The following TAB2 variants were observed in gnomAD, a reference collection of about 807,000 sequenced individuals.
The protein encoded by TAB2 is TGF-beta activated kinase 1 (MAP3K7) binding protein 2.
Under a neutral mutation model 65.0 loss-of-function variants are expected in TAB2, and 3 were observed. The observed-to-expected ratio is 0.05, with a 90% CI of 0.02 to 0.12. TAB2 has a LOEUF of 0.12. TAB2 is among the 10% of genes least tolerant of loss of function. The pLI is 1.00. For missense variants in TAB2, 623 were observed against 840.3 expected, an observed-to-expected ratio of 0.74 and a Z score of 3.20; for synonymous variants, 298 against 285.1, an observed-to-expected ratio of 1.05 and a Z score of -0.46.
At chr6:149,365,598 A>C (rs939990859) in intron 1 of TAB2, among the ~76,000 whole-genome samples, 3 of 151,904 alleles carry the variant, frequency 2.0e-5, no homozygotes, top group Admixed American at 2.0e-4. Flanking sequence ...GCCTATGTGT[A>C]GTCTTTGTTT....
At chr6:149,236,613 T>G (rs1777500352) in intron 1 of TAB2, among the ~76,000 whole-genome samples, 1 of 152,172 alleles carries the variant, frequency 6.6e-6, no homozygotes, top group Admixed American at 6.5e-5. Flanking sequence ...TATATAAAAA[T>G]TTTTTGAGTA....
chr6:149,275,272 G>GAAA (rs1419323302), intron 1 of TAB2, among the ~76,000 whole-genome samples: 2 of 149,072 alleles, frequency 1.3e-5, no homozygotes, highest in Non-Finnish European at 3.0e-5. Context: ...AAGAAAGAAA[G>GAAA]AAAGAAAGAA....
intron 1 of TAB2, among the ~76,000 whole-genome samples, chr6:149,299,489 T>C (rs959852581): frequency 4.6e-5 from 7 of 152,172 alleles, no homozygotes; most frequent in Non-Finnish European, 1.0e-4. Context: ...AGAGAATCAC[T>C]TGAACCCAGG....
At chr6:149,366,907 A>C (rs1191672102) in intron 1 of TAB2, among the ~76,000 whole-genome samples, 2 of 152,164 alleles carry the variant, frequency 1.3e-5, no homozygotes, top group African/African-American at 4.8e-5. Context: ...TTTAAATAAT[A>C]AAAATGTCTC....
intron 1 of TAB2, 138 bp from the exon 2 acceptor site, chr6:149,369,771 C>T (rs1033807141): frequency 2.0e-5 from 12 of 601,010 alleles, no homozygotes; most frequent in African/African-American, 1.5e-4. Context: ...ATATGGAAAG[C>T]ATTTTAGGTC....
At chr6:149,287,474 T>C (rs991487871) in intron 1 of TAB2, among the ~76,000 whole-genome samples, 1 of 84,932 alleles carries the variant, frequency 1.2e-5, no homozygotes, top group South Asian at 4.1e-4. Context: ...AAGCAAACTT[T>C]GTTTTCTGTT....
chr6:149,349,386 C>CTCCA (rs1355812911), intron 1 of TAB2, among the ~76,000 whole-genome samples: 1 of 148,884 alleles, frequency 6.7e-6, no homozygotes, highest in African/African-American at 2.5e-5. Flanking sequence ...CTCCACTGCA[C>CTCCA]TCCAGCCTGG....
At chr6:149,321,965 T>C (rs1779468596) in intron 1 of TAB2, among the ~76,000 whole-genome samples, 1 of 152,178 alleles carries the variant, frequency 6.6e-6, no homozygotes, top group African/African-American at 2.4e-5. Flanking sequence ...TGTAAAACTT[T>C]AATAAGAAAT....
intron 1 of TAB2, among the ~76,000 whole-genome samples, chr6:149,224,686 A>T (rs372681776): frequency 7.2e-5 from 11 of 152,252 alleles, no homozygotes; most frequent in African/African-American, 2.2e-4. Context: ...AATGTCTCAA[A>T]GAACAAAAGA....
At chr6:149,394,022 C>A (rs1782085116) in intron 3 of TAB2, among the ~76,000 whole-genome samples, 1 of 152,000 alleles carries the variant, frequency 6.6e-6, no homozygotes, top group African/African-American at 2.4e-5. Context: ...AATTTTTGGT[C>A]TTTATCACCT....
At chr6:149,327,245 G>GT (rs1197650093) in intron 1 of TAB2, among the ~76,000 whole-genome samples, 7 of 152,034 alleles carry the variant, frequency 4.6e-5, no homozygotes, top group East Asian at 1.9e-4. Context: ...CAAGATGGTC[G>GT]TTTTTTAAAA....
chr6:149,233,316 C>G (rs756121870), intron 1 of TAB2, among the ~76,000 whole-genome samples: 13 of 152,120 alleles, frequency 8.5e-5, no homozygotes, highest in Non-Finnish European at 1.6e-4. Context: ...CTTGGCTTCT[C>G]CACTGAGACG....
intron 1 of TAB2, among the ~76,000 whole-genome samples, chr6:149,270,168 G>C (rs564566770): frequency 2.6e-5 from 4 of 152,126 alleles, no homozygotes; most frequent in Non-Finnish European, 4.4e-5. Context: ...TTGTGGTCTT[G>C]ATTTGCATTT....
rs1190885445 is a variant in TAB2 at position 149,403,295 on chromosome 6, CAT to C, written c.1939+4129_1939+4130del. ...ATATATATATATATACACACACACA[CAT>C]ATATATATATATATATACACACACA... On this transcript the variant is annotated intron_variant, in intron 6 of 6. Coordinates refer to ENST00000637181, the MANE Select transcript of TAB2 (RefSeq NM_001292034.3). 5.9e-3 allele frequency among the ~76,000 whole-genome samples: 454 copies of C among 76,380 alleles called. 12 individuals are homozygous for C. The highest frequency in any genetic ancestry group is 0.02 in the Admixed American group (145 of 7,308). The allele number at this position is 76,380 out of a possible 152,430, so 50.1% of individuals were successfully genotyped here. A position where few individuals can be genotyped will look rare whatever the true frequency, so the allele number is the denominator to read the frequency against.
intron 1 of TAB2, chr6:149,320,966 A>G (rs1397740186): frequency 6.6e-6 from 1 of 152,216 alleles, no homozygotes; most frequent in Non-Finnish European, 1.5e-5. Context: ...ATTATGAGGT[A>G]ATAACAGAGG....
chr6:149,262,619 T>C (rs564208806), intron 1 of TAB2, among the ~76,000 whole-genome samples: 13 of 152,282 alleles, frequency 8.5e-5, no homozygotes, highest in Admixed American at 4.6e-4. Flanking sequence ...GAGGATTTTG[T>C]TCCTTGGCTG....
intron 3 of TAB2, among the ~76,000 whole-genome samples, chr6:149,392,064 C>T (rs1362530766): frequency 7.1e-6 from 1 of 141,610 alleles, no homozygotes; most frequent in Non-Finnish European, 1.5e-5. Flanking sequence ...GTTGTCTTCA[C>T]TTAATCTGGA....
At chr6:149,400,368 G>A in intron 6 of TAB2, 1 of 1,610,694 alleles carries the variant, frequency 6.2e-7, no homozygotes, top group East Asian at 2.2e-5. Context: ...TGAAGCAGCA[G>A]CTGAGGAGAC....
intron 2 of TAB2, among the ~76,000 whole-genome samples, chr6:149,371,089 A>C (rs1256160137): frequency 2.1e-5 from 3 of 144,460 alleles, no homozygotes; most frequent in Non-Finnish European, 4.6e-5. Context: ...AAAAAAAAAA[A>C]AGTGTCCGGG....
Sources: allele counts gnomAD v4.1 joint callset (sites outside exome capture counted in the v4.1 genomes callset), GRCh38; gene constraint gnomAD v4.1.1; transcripts MANE v1.5; gene names NCBI Gene and HGNC (gene_info 2026-07-23, HGNC 2026-07-21).